The following EXOC2 variants were observed in gnomAD, a reference collection of about 807,000 sequenced individuals.
EXOC2 encodes the protein SEC5-like 1.
Under a neutral mutation model 131.8 loss-of-function variants are expected in EXOC2, and 70 were observed. The observed-to-expected ratio is 0.53, with a 90% confidence interval of 0.44 to 0.65. The LOEUF is 0.65. Ranked by LOEUF, EXOC2 falls within the 30% of genes least tolerant of loss-of-function variation. EXOC2 has a pLI of 0.00. For missense variants in EXOC2, 923 were observed against 1,108.6 expected, an observed-to-expected ratio of 0.83 and a Z score of 2.38; for synonymous variants, 411 against 398.4, an observed-to-expected ratio of 1.03 and a Z score of -0.38.
At chr6:619,954 T>C (rs1052665518) in intron 4 of EXOC2, among the ~76,000 whole-genome samples, 5 of 152,262 alleles carry the variant, frequency 3.3e-5, no homozygotes, top group African/African-American at 1.2e-4. Context: ...TTTGTTAAAA[T>C]GATTTTTGTT....
chr6:552,518 A>T (rs992141285), intron 21 of EXOC2, among the ~76,000 whole-genome samples: 2 of 152,176 alleles, frequency 1.3e-5, no homozygotes, highest in Non-Finnish European at 2.9e-5. Context: ...TATATTGCTT[A>T]TATACTGCTG....
chr6:682,278 C>A (rs1246398771), intron 1 of EXOC2, among the ~76,000 whole-genome samples: 2 of 150,736 alleles, frequency 1.3e-5, no homozygotes, highest in African/African-American at 4.9e-5. Context: ...GGGGTCACTG[C>A]AAGCTCTGCC....
intron 1 of EXOC2, among the ~76,000 whole-genome samples, chr6:692,222 A>G (rs577991015): frequency 1.3e-5 from 2 of 152,368 alleles, no homozygotes; most frequent in Admixed American, 6.5e-5. Flanking sequence ...CAGACTTAAA[A>G]TTTCTCAGAC....
At chr6:597,415 TCCGC>T in intron 10 of EXOC2, among the ~76,000 whole-genome samples, 1 of 152,240 alleles carries the variant, frequency 6.6e-6, no homozygotes, top group South Asian at 2.1e-4. Context: ...GACCTAGTGA[TCCGC>T]CCGCCTCAGC....
chr6:532,545 T>C lies in EXOC2; in HGVS notation c.2304A>G (p.Ala768=). ...RLFENYIELK[A]DPIVGSLEPG... ...GTTCTAAGGAGCCAACGATGGGATC[T>C]GCTTTCAACTCGATGTAATTTTCAA... The change falls in exon 23 of 28, where the codon GCA becomes GCG. Residue 768 remains alanine (A), a synonymous_variant. Transcript: ENST00000230449. 1 of 1,610,152 alleles carries C rather than the reference T, an allele frequency of 6.2e-7. No individual in the cohort carries two copies.
chr6:597,461 T>C lies in EXOC2; in HGVS notation c.1073+560A>G, dbSNP rs180736253. Among the ~76,000 whole-genome samples, 374 of 152,302 alleles carry C rather than the reference T, an allele frequency of 2.5e-3. 1 individual carries two copies. The highest frequency in any genetic ancestry group is 3.4e-3 in the Non-Finnish European group (228 of 68,020). ...AAGTGCTGTGCTGGGATTACAGGCA[T>C]GAGCCACGGTGCCCGGCCCAATATT... On this transcript the variant is annotated intron_variant, in intron 10 of 27. Transcript: ENST00000230449.
intron 4 of EXOC2, among the ~76,000 whole-genome samples, chr6:627,370 T>A (rs1761629328): frequency 1.3e-5 from 2 of 152,182 alleles, no homozygotes; most frequent in African/African-American, 4.8e-5. Flanking sequence ...AATCTCTACA[T>A]CTAGCCTCTC....
At chr6:492,045 T>C (rs1581284375) in intron 25 of EXOC2, among the ~76,000 whole-genome samples, 1 of 152,246 alleles carries the variant, frequency 6.6e-6, no homozygotes, top group Admixed American at 6.5e-5. Flanking sequence ...TATGAAACTA[T>C]CAGAAGAAAC....
At chr6:662,436 T>A (rs1404052349) in intron 1 of EXOC2, among the ~76,000 whole-genome samples, 2 of 152,050 alleles carry the variant, frequency 1.3e-5, no homozygotes, top group Admixed American at 1.3e-4. Flanking sequence ...TTAAGAAAAT[T>A]GAAATTATAT....
Position 576,922 on chromosome 6 carries a change from C to T in EXOC2, c.1193-40G>A, listed in dbSNP as rs1198600046. On this transcript the variant is annotated intron_variant, in intron 11 of 27. Coordinates refer to ENST00000230449, the MANE Select transcript of EXOC2 (RefSeq NM_018303.6). ...AGAGATATACAGAGTATATAGCATG[C>T]TCTATATACTCTTGCTTAGTTGATT... 4 of 1,570,826 alleles carry T rather than the reference C, an allele frequency of 2.5e-6. No individual in the cohort carries two copies. In the African/African-American group the frequency reaches 4.1e-5, roughly 16 times the overall value.
At chr6:552,649 C>T (rs372419293) in intron 21 of EXOC2, among the ~76,000 whole-genome samples, 17 of 152,248 alleles carry the variant, frequency 1.1e-4, no homozygotes, top group East Asian at 9.6e-4. Flanking sequence ...CCCAGGTTCT[C>T]GTGAGCCTGT....
chr6:550,497 G>T (rs1757087144), intron 21 of EXOC2, among the ~76,000 whole-genome samples: 1 of 152,124 alleles, frequency 6.6e-6, no homozygotes, highest in South Asian at 2.1e-4. Context: ...TAAGTAAAAG[G>T]CCTAGGGAGT....
At chr6:685,778 G>C (rs1764616072) in intron 1 of EXOC2, among the ~76,000 whole-genome samples, 1 of 151,912 alleles carries the variant, frequency 6.6e-6, no homozygotes, top group South Asian at 2.1e-4. Context: ...GGCCTGATAA[G>C]GGCAGAAGAC....
chr6:648,058 C>G (rs1247586663), intron 1 of EXOC2, among the ~76,000 whole-genome samples: 1 of 152,158 alleles, frequency 6.6e-6, no homozygotes, highest in East Asian at 1.9e-4. Flanking sequence ...CAAACCAGAA[C>G]AGACCATTAT....
chr6:579,956 T>C (rs1581482410), intron 11 of EXOC2, among the ~76,000 whole-genome samples: 1 of 152,126 alleles, frequency 6.6e-6, no homozygotes, highest in Non-Finnish European at 1.5e-5. Flanking sequence ...TATCAGTCTA[T>C]TTTGTTTCAT....
rs538445806 is a variant in EXOC2 at position 571,444 on chromosome 6, T to A, written c.1443+1076A>T. Among the ~76,000 whole-genome samples the A allele has an allele frequency of 3.2e-4, 49 of 152,342 alleles. No homozygotes were observed. The South Asian group carries it at 0.01, about 32-fold the overall frequency. Reference sequence around the variant, plus strand: ...TCCAGCGGGTTTACAACGGAGATACTAGGCACTTGGAGTTCAAATATACAA... The same window carrying A: ...TCCAGCGGGTTTACAACGGAGATACAAGGCACTTGGAGTTCAAATATACAA... On this transcript the variant is annotated intron_variant, in intron 13 of 27. Coordinates refer to ENST00000230449, the MANE Select transcript of EXOC2 (RefSeq NM_018303.6).
In EXOC2 at chr6:506,421, G is replaced by T. The variant is rs2127495635; in HGVS notation, c.2381-6721C>A. On this transcript the variant is annotated intron_variant, in intron 23 of 27. Coordinates refer to ENST00000230449, the MANE Select transcript of EXOC2 (RefSeq NM_018303.6). The surrounding 1 kb of genome is among the most constrained non-coding windows in gnomAD (Gnocchi z 4.4). ...ATCATCAGTGTGGACAGTGTGCCAA[G>T]AAAAATACAAGGCAAACGGATTTGC... Among the ~76,000 whole-genome samples, 1 of 152,300 alleles carries T rather than the reference G, an allele frequency of 6.6e-6. No homozygotes were observed. The highest frequency in any genetic ancestry group is 2.4e-5 in the African/African-American group (1 of 41,564).
chr6:580,042 T>G (rs1304386746), intron 11 of EXOC2, among the ~76,000 whole-genome samples: 2 of 86,824 alleles, frequency 2.3e-5, no homozygotes, highest in South Asian at 3.7e-4. Flanking sequence ...GGGTGCAGTT[T>G]TTTTTGTTTT....
At chr6:599,838 G>A (rs910918003) in intron 7 of EXOC2, among the ~76,000 whole-genome samples, 1 of 150,576 alleles carries the variant, frequency 6.6e-6, no homozygotes, top group Admixed American at 6.6e-5. Context: ...GTATACATGA[G>A]CTGCACATTT....
Sources: allele counts gnomAD v4.1 joint callset (sites outside exome capture counted in the v4.1 genomes callset), GRCh38; gene constraint gnomAD v4.1.1; non-coding constraint Gnocchi (gnomAD v3.1); transcripts MANE v1.5; gene names NCBI Gene and HGNC (gene_info 2026-07-23, HGNC 2026-07-21).